The following VWA8 variants were observed in gnomAD, a reference collection of about 807,000 sequenced individuals.
VWA8 encodes the protein von Willebrand factor A domain containing 8, also known as von Willebrand factor A domain-containing protein 8.
VWA8 carries 221 observed loss-of-function variants against 241.5 expected under a neutral mutation model. The ratio of observed to expected loss-of-function variants is 0.91; its 90% confidence interval spans 0.82 to 1.02. The LOEUF (loss-of-function observed/expected upper bound fraction) is 1.02, where lower values mean the gene tolerates loss of function less well. VWA8 is among the 50% of genes least tolerant of loss of function. The probability of loss-of-function intolerance (pLI) is 0.00; values close to 1 mark genes in which losing one functional copy is unlikely to be tolerated. For synonymous variants in VWA8, 852 were observed against 827.1 expected (o/e 1.03, Z -0.52); for missense variants, 2,322 against 2,328.7 (o/e 1.00, Z 0.06).
At chr13:41,763,903 T>C (rs2045760842) in intron 20 of VWA8, among the ~76,000 whole-genome samples, 2 of 152,166 alleles carry the variant, frequency 1.3e-5, no homozygotes, top group South Asian at 2.1e-4. Flanking sequence ...GAGTCCCAGC[T>C]GCCACTAAGG....
At chr13:41,901,881 A>ATAT (rs1875452225) in intron 4 of VWA8, among the ~76,000 whole-genome samples, 1 of 94,494 alleles carries the variant, frequency 1.1e-5, no homozygotes, top group Non-Finnish European at 2.3e-5. Context: ...AAAAAAAAAA[A>ATAT]AAAAAAAAAT....
intron 30 of VWA8, among the ~76,000 whole-genome samples, chr13:41,692,311 T>G (rs1215947694): frequency 6.6e-6 from 1 of 152,110 alleles, no homozygotes; most frequent in Non-Finnish European, 1.5e-5. Context: ...ACTCTTTTCA[T>G]AGTCTTTTAA....
intron 37 of VWA8, 127 bp from the exon 38 acceptor site, chr13:41,615,211 TA>T: frequency 2.2e-6 from 2 of 893,676 alleles, no homozygotes; most frequent in East Asian, 2.7e-5. Context: ...CTGGACTTGA[TA>T]AATGCTGTGA....
intron 9 of VWA8, among the ~76,000 whole-genome samples, chr13:41,878,889 G>T (rs1346589079): frequency 6.6e-6 from 1 of 152,072 alleles, no homozygotes; most frequent in East Asian, 1.9e-4. Context: ...CATCAAAGTG[G>T]TTTCTTGGTA....
chr13:41,571,837 A>C, intron 43 of VWA8, among the ~76,000 whole-genome samples: 1 of 145,696 alleles, frequency 6.9e-6, no homozygotes, highest in Non-Finnish European at 1.5e-5. Context: ...AGCCCCTCCG[A>C]CTGGCCGCCC....
At chr13:41,836,665 C>G (rs1464086625) in intron 12 of VWA8, among the ~76,000 whole-genome samples, 1 of 152,088 alleles carries the variant, frequency 6.6e-6, no homozygotes, top group African/African-American at 2.4e-5. Context: ...GTGTACAGTA[C>G]TTACCTTATT....
chr13:41,880,367 C>A (rs1874111545), intron 9 of VWA8, among the ~76,000 whole-genome samples: 1 of 152,072 alleles, frequency 6.6e-6, no homozygotes, highest in African/African-American at 2.4e-5. Flanking sequence ...TGCCCCTATA[C>A]CCCTAAACAC....
intron 35 of VWA8, among the ~76,000 whole-genome samples, chr13:41,682,352 C>T (rs1593694305): frequency 6.6e-6 from 1 of 152,220 alleles, no homozygotes; most frequent in Non-Finnish European, 1.5e-5. Flanking sequence ...GAGCCTCAGT[C>T]CATACCTTAC....
At chr13:41,791,423 T>A (rs987940807) in intron 17 of VWA8, among the ~76,000 whole-genome samples, 13 of 151,930 alleles carry the variant, frequency 8.6e-5, no homozygotes, top group South Asian at 2.1e-4. Flanking sequence ...TCAGTTTTTT[T>A]AATTATGAAA....
At chr13:41,942,497 T>C (rs533101538) in intron 2 of VWA8, among the ~76,000 whole-genome samples, 14 of 152,182 alleles carry the variant, frequency 9.2e-5, no homozygotes, top group African/African-American at 3.1e-4. Flanking sequence ...ACAATCTGCA[T>C]AGATGTGTCA....
rs59582293 is a variant in VWA8, at chr13:41,784,697, CATATATATATATATATAT to C, written c.2171-814_2171-797del. Among the ~76,000 whole-genome samples the C allele has an allele frequency of 2.6e-4, 15 of 57,036 alleles. 1 individual carries two copies. Among genetic ancestry groups the C allele is most frequent in the African/African-American group, 6.7e-4 (12 of 17,934 alleles). 37.4% of individuals were successfully genotyped at this position (57,036 alleles called of 152,430 possible). A position where few individuals can be genotyped will look rare whatever the true frequency, so the allele number is the denominator to read the frequency against. On this transcript the variant is annotated intron_variant, in intron 18 of 44. Coordinates refer to ENST00000379310, the MANE Select transcript of VWA8 (RefSeq NM_015058.2). ...CTCTCTCTTTATACATATACATATA[CATATATATATATATATAT>C]ATATATATATATATACACACACATA...
intron 4 of VWA8, among the ~76,000 whole-genome samples, chr13:41,895,076 G>A (rs1173226602): frequency 7.2e-5 from 11 of 151,888 alleles, no homozygotes; most frequent in Non-Finnish European, 1.3e-4. Context: ...AAAAGAGAAC[G>A]TATAATTATT....
intron 9 of VWA8, among the ~76,000 whole-genome samples, chr13:41,869,397 G>A (rs997463618): frequency 4.6e-5 from 7 of 152,068 alleles, no homozygotes; most frequent in East Asian, 1.9e-4. Context: ...ACTTTGGGAC[G>A]CCAAGGCAAG....
At chr13:41,869,321 A>G (rs1873471265) in intron 9 of VWA8, among the ~76,000 whole-genome samples, 1 of 152,092 alleles carries the variant, frequency 6.6e-6, no homozygotes, top group Admixed American at 6.6e-5. Context: ...GGGTCTCAAT[A>G]TTTGTTGAAC....
chr13:41,573,486 A>AAATAAATAAATAAATAAATATATATAT, intron 43 of VWA8, among the ~76,000 whole-genome samples: 4 of 113,598 alleles, frequency 3.5e-5, no homozygotes, highest in African/African-American at 1.4e-4. Flanking sequence ...AAAAAAAAAA[A>AAATAAATAAATAAATAAATATATATAT]ATATATATAT....
chr13:41,691,460 A>G lies in VWA8; in HGVS notation c.3741-15T>C. On this transcript the variant is annotated splice_polypyrimidine_tract_variant and intron_variant, in intron 31 of 44. Transcript: ENST00000379310. Reference sequence around the variant, plus strand: ...TCAGGCTGTTCCTGGAAAAGAAGAAAACTGTATCTGAAAGGAAATGGTGAG... The same window carrying G: ...TCAGGCTGTTCCTGGAAAAGAAGAAGACTGTATCTGAAAGGAAATGGTGAG... 1 of 1,610,758 alleles carries G rather than the reference A, an allele frequency of 6.2e-7. No homozygotes were observed. Among genetic ancestry groups the G allele is most frequent in the Non-Finnish European group, 8.5e-7 (1 of 1,178,060 alleles).
At chr13:41,957,288 T>C (rs1878392601) in intron 1 of VWA8, among the ~76,000 whole-genome samples, 1 of 152,196 alleles carries the variant, frequency 6.6e-6, no homozygotes, top group South Asian at 2.1e-4. Context: ...GGGGAGTTTC[T>C]GTACACAAGC....
intron 42 of VWA8, among the ~76,000 whole-genome samples, chr13:41,584,325 C>A (rs1266012039): frequency 1.3e-5 from 2 of 152,166 alleles, no homozygotes; most frequent in Non-Finnish European, 2.9e-5. Flanking sequence ...TGTGTCTGGG[C>A]CTGGGCTTTC....
At chr13:41,590,549 T>G in intron 41 of VWA8, 91 bp downstream of exon 41, 1 of 1,384,352 alleles carries the variant, frequency 7.2e-7, no homozygotes. Context: ...TATTCAGGAT[T>G]TGTGATATTT....
Sources: gnomAD v4.1 joint callset for allele counts (sites outside exome capture counted in the v4.1 genomes callset) on GRCh38, gnomAD v4.1.1 for gene constraint, MANE v1.5 for transcripts, NCBI Gene and HGNC (gene_info 2026-07-23, HGNC 2026-07-21) for gene names.